TRABD2A: variants seen among roughly 807,000 people sequenced by gnomAD.
TRABD2A encodes the protein TraB domain containing 2A.
A neutral mutation model predicts 45.6 loss-of-function variants in TRABD2A; 43 were observed. The observed-to-expected ratio is 0.94, with a 90% CI of 0.74 to 1.22. The LOEUF is 1.22. TRABD2A is among the 50% of genes most tolerant of loss of function. The pLI, the probability that TRABD2A is intolerant of heterozygous loss-of-function variation, is 0.00. For missense variants in TRABD2A, 642 were observed against 652.4 expected, an observed-to-expected ratio of 0.98 and a Z score of 0.17; for synonymous variants, 269 against 265.0, an observed-to-expected ratio of 1.02 and a Z score of -0.15.
rs1681311971 is a variant in TRABD2A at position 84,830,973 on chromosome 2, T to C, written c.1082+1082A>G. Reference sequence around the variant, plus strand: ...GACCTCTGCCAGGAGAGGGGGCTGCTGACCACAGATCGGGAGGCAGTGGGG... The same window carrying C: ...GACCTCTGCCAGGAGAGGGGGCTGCCGACCACAGATCGGGAGGCAGTGGGG... On this transcript the variant is annotated intron_variant, in intron 5 of 6. Coordinates refer to ENST00000409520, the MANE Select transcript of TRABD2A (RefSeq NM_001277053.2). This position sits in a 1 kb window ranked among gnomAD's most constrained non-coding sequence, Gnocchi z 4.9. 6.6e-6 allele frequency among the ~76,000 whole-genome samples: 1 copy of C among 152,062 alleles called. No homozygotes were observed. The highest frequency in any genetic ancestry group is 2.4e-5 in the African/African-American group (1 of 41,390).
chr2:84,865,594 G>A (rs932839119), intron 2 of TRABD2A, among the ~76,000 whole-genome samples: 4 of 152,214 alleles, frequency 2.6e-5, no homozygotes, highest in African/African-American at 9.6e-5. Flanking sequence ...GCCAAGATGT[G>A]ACTGGGTCCC....
chr2:84,858,702 C>A (rs1171760502), intron 2 of TRABD2A, among the ~76,000 whole-genome samples: 1 of 152,170 alleles, frequency 6.6e-6, no homozygotes, highest in Non-Finnish European at 1.5e-5. Flanking sequence ...ATGAGGCTCC[C>A]TGAAGTTCAG....
chr2:84,821,927 G>C lies in TRABD2A; in HGVS notation c.1508C>G (p.Pro503Arg), dbSNP rs765273481. 1 of 1,600,396 alleles carries C rather than the reference G, an allele frequency of 6.2e-7. No homozygotes were observed. Among genetic ancestry groups the C allele is most frequent in the Admixed American group, 1.7e-5 (1 of 58,264 alleles). The change falls in exon 7 of 7, where the codon CCC becomes CGC. Residue 503 changes from proline (P) to arginine (R), a missense_variant. Physicochemically the swap from Pro to Arg is moderately radical, Grantham distance 103 (BLOSUM62 -2). Coordinates refer to ENST00000409520, the MANE Select transcript of TRABD2A (RefSeq NM_001277053.2). ...TGGTGCTTCCAGTCGTTACAGGAGG[G>C]GTGTCTCTGTTTGGAAAGCCAGCAC... Reference protein sequence around the residue: ...VLVLAFQTETPLL With the variant: ...VLVLAFQTETRLL
At chr2:84,851,042 A>G (rs1682070941) in intron 2 of TRABD2A, 1 of 152,262 alleles carries the variant, frequency 6.6e-6, no homozygotes, top group Non-Finnish European at 1.5e-5. Context: ...TATAAGAAAC[A>G]GTAGCTATGC....
chr2:84,824,043 G>A lies in TRABD2A; in HGVS notation c.1244C>T (p.Ala415Val). The A allele has an allele frequency of 6.2e-7, 1 of 1,613,812 alleles. No homozygotes were observed. Among genetic ancestry groups the A allele is most frequent in the Non-Finnish European group, 8.5e-7 (1 of 1,179,798 alleles). The change falls in exon 6 of 7, where the codon GCC becomes GTC. Residue 415 changes from alanine (A) to valine (V), a missense_variant. Transcript: ENST00000409520. ...RPGSADTPSE[A>V]EQRFRKKRRR... is the part of the protein sequence containing the mutation. Reference sequence around the variant, plus strand: ...CCGCTTCTTCCGGAACCTCTGTTCGGCCTCACTGGGCGTGTCGGCACTTCC... The same window carrying A: ...CCGCTTCTTCCGGAACCTCTGTTCGACCTCACTGGGCGTGTCGGCACTTCC...
At chr2:84,871,485 C>CTTT (rs556910847) in intron 1 of TRABD2A, among the ~76,000 whole-genome samples, 1 of 146,348 alleles carries the variant, frequency 6.8e-6, no homozygotes, top group African/African-American at 2.5e-5. Flanking sequence ...AGAAATGCTA[C>CTTT]TTTTTTTTTT....
At chr2:84,845,902 G>A (rs1428015590) in intron 2 of TRABD2A, among the ~76,000 whole-genome samples, 1 of 152,130 alleles carries the variant, frequency 6.6e-6, no homozygotes, top group Middle Eastern at 3.2e-3. Context: ...ACCTGAAAAA[G>A]GGGGCATTTT....
rs557585405 is a variant in TRABD2A at position 84,844,781 on chromosome 2, A to G, written c.670-2774T>C. Among the ~76,000 whole-genome samples the G allele has an allele frequency of 3.9e-5, 6 of 152,328 alleles. No homozygotes were observed. In the East Asian group the frequency reaches 1.2e-3, roughly 29 times the overall value. On this transcript the variant is annotated intron_variant, in intron 2 of 6. Transcript: ENST00000409520. The stretch of plus-strand genomic sequence containing the variant: ...GCCTGGCCCCAGGCCCAAGTCCCAC[A>G]TATTCTGTCTCCATCTAACTCATCC...
rs1356646391 is a variant in TRABD2A at position 84,830,430 on chromosome 2, AG to A, written c.1082+1624del. Reference sequence around the variant, plus strand: ...TCTGAGTGCCAAGACCTCCGCGTGAAGACAATGACCTTGAAAAAGAACAACA... The same window carrying A: ...TCTGAGTGCCAAGACCTCCGCGTGAAACAATGACCTTGAAAAAGAACAACA... On this transcript the variant is annotated intron_variant, in intron 5 of 6. Transcript: ENST00000409520. The surrounding 1 kb of genome is among the most constrained non-coding windows in gnomAD (Gnocchi z 4.9). Among the ~76,000 whole-genome samples the A allele has an allele frequency of 1.3e-5, 2 of 152,118 alleles. No individual in the cohort carries two copies. Among genetic ancestry groups the A allele is most frequent in the Non-Finnish European group, 2.9e-5 (2 of 68,008 alleles).
intron 2 of TRABD2A, among the ~76,000 whole-genome samples, chr2:84,858,701 C>T (rs892160086): frequency 1.3e-5 from 2 of 152,114 alleles, no homozygotes; most frequent in African/African-American, 4.8e-5. Flanking sequence ...TATGAGGCTC[C>T]CTGAAGTTCA....
At chr2:84,823,931 CG>C in intron 6 of TRABD2A, 21 bp downstream of exon 6, 1 of 1,611,878 alleles carries the variant, frequency 6.2e-7, no homozygotes, top group Non-Finnish European at 8.5e-7. Flanking sequence ...GATGCCAACC[CG>C]ACCCAGCCTA....
intron 5 of TRABD2A, among the ~76,000 whole-genome samples, chr2:84,828,969 C>T (rs1681230628): frequency 6.6e-6 from 1 of 151,826 alleles, no homozygotes; most frequent in Admixed American, 6.6e-5. Flanking sequence ...GCAGAGGAAA[C>T]TGCACGAACA....
intron 2 of TRABD2A, among the ~76,000 whole-genome samples, chr2:84,865,515 G>A (rs772637419): frequency 1.9e-4 from 29 of 152,224 alleles, no homozygotes; most frequent in Non-Finnish European, 3.7e-4. Context: ...CATGTGGAAA[G>A]CAGAGGGAAA....
At chr2:84,832,934 G>C (rs1351257564) in intron 4 of TRABD2A, 1 of 152,174 alleles carries the variant, frequency 6.6e-6, no homozygotes, top group East Asian at 1.9e-4. Flanking sequence ...AAAAAGTAAA[G>C]GCAACCTAAT....
chr2:84,880,784 G>T, intron 1 of TRABD2A, 148 bp downstream of exon 1: 1 of 1,236,466 alleles, frequency 8.1e-7, no homozygotes. Context: ...GGAGAGGAGA[G>T]CGAGCAAGGA....
In TRABD2A at chr2:84,870,665, C is replaced by A; in HGVS notation, c.229G>T (p.Ala77Ser). 1.2e-6 allele frequency: 2 copies of A among 1,610,144 alleles called. No individual in the cohort carries two copies. Among genetic ancestry groups the A allele is most frequent in the Non-Finnish European group, 1.7e-6 (2 of 1,178,214 alleles). ...WDFIPDNSKE[A>S]FLQSSIVYFE... is the part of the protein sequence containing the mutation. The stretch of plus-strand genomic sequence containing the variant: ...TACACAATGCTGCTCTGCAGGAAAG[C>A]CTCCTTAGAGTTGTCGGGGATGAAG... The change falls in exon 2 of 7, where the codon GCT becomes TCT. Residue 77 changes from alanine (A) to serine (S), a missense_variant. Ala to Ser is a moderately conservative substitution (Grantham distance 99). Coordinates refer to ENST00000409520, the MANE Select transcript of TRABD2A (RefSeq NM_001277053.2).
intron 2 of TRABD2A, among the ~76,000 whole-genome samples, chr2:84,868,731 T>C (rs1177220196): frequency 6.6e-6 from 1 of 152,230 alleles, no homozygotes; most frequent in African/African-American, 2.4e-5. Flanking sequence ...GATACCTTGC[T>C]TGAGCTAATA....
Position 84,839,317 on chromosome 2 carries a change from TGGG to T in TRABD2A, c.820_822del (p.Pro274del). The stretch of plus-strand genomic sequence containing the variant: ...GGTGGTAGCGTGGCATTAATAAAAT[TGGG>T]AACCTCCACCAAAATAAAGAGAAAA... On this transcript the variant is annotated inframe_deletion, in exon 4 of 7. Coordinates refer to ENST00000409520, the MANE Select transcript of TRABD2A (RefSeq NM_001277053.2). 1 of 1,605,030 alleles carries T rather than the reference TGGG, an allele frequency of 6.2e-7. No individual in the cohort carries two copies. Among genetic ancestry groups the T allele is most frequent in the South Asian group, 1.1e-5 (1 of 89,520 alleles).
At position 84,830,636 on chromosome 2, in the gene TRABD2A, A is replaced by G. The variant is rs1234721130; in HGVS notation, c.1082+1419T>C. ...AGCCTGGTGGAGAAGGAAAATGAGC[A>G]GTCTCACATCAGCGCTTCTGTAAAC... On this transcript the variant is annotated intron_variant, in intron 5 of 6. Transcript: ENST00000409520. The surrounding 1 kb of genome is among the most constrained non-coding windows in gnomAD (Gnocchi z 4.9). Among the ~76,000 whole-genome samples, 1 of 152,218 alleles carries G rather than the reference A, an allele frequency of 6.6e-6. No homozygotes were observed. Among genetic ancestry groups the G allele is most frequent in the Non-Finnish European group, 1.5e-5 (1 of 68,042 alleles).
Sources: gnomAD v4.1 joint callset for allele counts (sites outside exome capture counted in the v4.1 genomes callset) on GRCh38, gnomAD v4.1.1 for gene constraint, Gnocchi (gnomAD v3.1) non-coding constraint, MANE v1.5 for transcripts, NCBI Gene and HGNC (gene_info 2026-07-23, HGNC 2026-07-21) for gene names.